The following FAM186A variants were observed in gnomAD, a reference collection of about 807,000 sequenced individuals.
FAM186A encodes family with sequence similarity 186 member A, also known as protein FAM186A.
In FAM186A, 163 loss-of-function variants were observed where a neutral mutation model predicts 216.8. That is an observed-to-expected ratio of 0.75 (90% CI 0.66 to 0.86). FAM186A has a LOEUF of 0.86. Ranked by LOEUF, FAM186A falls within the 40% of genes least tolerant of loss-of-function variation. FAM186A has a pLI of 0.00. For missense variants in FAM186A, 2,184 were observed against 2,746.2 expected, an observed-to-expected ratio of 0.80 and a Z score of 4.58; for synonymous variants, 805 against 1,025.3, an observed-to-expected ratio of 0.79 and a Z score of 4.10.
rs866057281 is a variant in FAM186A at position 50,356,197 on chromosome 12, G to A, written c.635C>T (p.Pro212Leu). 5 of 1,551,204 alleles carry A rather than the reference G, an allele frequency of 3.2e-6. No individual in the cohort carries two copies. In the Middle Eastern group the frequency reaches 5.0e-4, roughly 155 times the overall value. ...TGGTCTTAAAGCACGGGCTGTTGAA[G>A]GTCGTTTTATAACTCTTTCTTTCCA... ...KSWKERVIKRPSTARALRPDQ... is the reference protein window; with the variant it reads ...KSWKERVIKRLSTARALRPDQ... The change falls in exon 4 of 8, where the codon CCT becomes CTT. Residue 212 changes from proline (P) to leucine (L), a missense_variant. Around this residue, in one of 7 missense-constraint regions of FAM186A, gnomAD observed 1,132 missense variants for 1,263.4 expected, o/e 0.90. Coordinates refer to ENST00000327337, the MANE Select transcript of FAM186A (RefSeq NM_001145475.3).
At position 50,373,782 on chromosome 12, in the gene FAM186A, C is replaced by T. The variant is rs924217251; in HGVS notation, c.193-10418G>A. On this transcript the variant is annotated intron_variant, in intron 1 of 7. Coordinates refer to ENST00000327337, the MANE Select transcript of FAM186A (RefSeq NM_001145475.3). The stretch of plus-strand genomic sequence containing the variant: ...TCTAGAACTAGAAATACCATTTGAC[C>T]CAGCCATCCCATTACTGGGTATATA... Among the ~76,000 whole-genome samples, 185 of 152,172 alleles carry T rather than the reference C, an allele frequency of 1.2e-3. 2 individuals carry two copies. The highest frequency in any genetic ancestry group is 6.9e-4 in the Non-Finnish European group (47 of 68,026).
At position 50,360,895 on chromosome 12, in the gene FAM186A, A is replaced by G; in HGVS notation, c.444T>C (p.Asp148=). The G allele has an allele frequency of 1.9e-6, 3 of 1,548,976 alleles. No homozygotes were observed. In the South Asian group the frequency reaches 3.6e-5, roughly 19 times the overall value. Residue 148 remains aspartate, a synonymous_variant, in exon 3 of 8, where the codon GAT becomes GAC. Coordinates refer to ENST00000327337, the MANE Select transcript of FAM186A (RefSeq NM_001145475.3). The stretch of plus-strand genomic sequence containing the variant: ...CTATCCAGTGGTGGTGTTCATCAAC[A>G]TCCATTAGAGTCATCTCAGACAAAA... The part of the protein sequence containing the change: ...NDVLSEMTLM[D]VDEHHHWIAQ...
chr12:50,378,179 G>T (rs528102162), intron 1 of FAM186A, among the ~76,000 whole-genome samples: 77 of 150,132 alleles, frequency 5.1e-4, no homozygotes, highest in Non-Finnish European at 1.0e-3. Flanking sequence ...AGCCGAGATT[G>T]CGACATTACA....
At chr12:50,389,209 T>TA (rs980289915) in intron 1 of FAM186A, among the ~76,000 whole-genome samples, 32 of 150,570 alleles carry the variant, frequency 2.1e-4, no homozygotes, top group Admixed American at 2.1e-3. Flanking sequence ...CTACTAAAAA[T>TA]AAAAAAATAG....
chr12:50,353,026 G>A lies in FAM186A; in HGVS notation c.3806C>T (p.Pro1269Leu). ...GATCCCCAGGGCCTGGGCCTGCTGA[G>A]GAGTAAGAGGGATCCCCAGTTCCTG... is the stretch of plus-strand genomic sequence containing the variant. Reference protein sequence around the residue: ...QVQELGIPLTPQQAQALGITL... With the variant: ...QVQELGIPLTLQQAQALGITL... Residue 1269 changes from proline (P) to leucine (L), a missense_variant, in exon 4 of 8, where the codon CCT becomes CTT. Transcript: ENST00000327337. 6.5e-7 allele frequency: 1 copy of A among 1,537,476 alleles called. No homozygotes were observed.
intron 1 of FAM186A, among the ~76,000 whole-genome samples, chr12:50,385,974 G>C (rs944629561): frequency 6.6e-6 from 1 of 151,984 alleles, no homozygotes; most frequent in Non-Finnish European, 1.5e-5. Flanking sequence ...CTGGGGATGG[G>C]CAGATTGTGG....
rs543682784 is a variant in FAM186A at position 50,378,935 on chromosome 12, T to G, written c.193-15571A>C. 3.9e-5 allele frequency among the ~76,000 whole-genome samples: 6 copies of G among 152,180 alleles called. No homozygotes were observed. The South Asian group carries it at 1.2e-3, about 31-fold the overall frequency. On this transcript the variant is annotated intron_variant, in intron 1 of 7. Transcript: ENST00000327337. ...AGCATTGTTTGTAATTATGAAGTAT[T>G]GGAAATAACTTAAATGTCCATACAT... is the stretch of plus-strand genomic sequence containing the variant.
rs568070750 is a variant in FAM186A, at chr12:50,361,666, G to A, written c.413-740C>T. Among the ~76,000 whole-genome samples, 8 of 147,916 alleles carry A rather than the reference G, an allele frequency of 5.4e-5. No homozygotes were observed. In the South Asian group the frequency reaches 1.7e-3, roughly 32 times the overall value. On this transcript the variant is annotated intron_variant, in intron 2 of 7. Transcript: ENST00000327337. ...GCTCAGTGCAACCTCTACCTCCCAG[G>A]TTCAAGCGATTCTCCTGCCTCAGCC...
rs1442410565 is a variant in FAM186A at position 50,334,091 on chromosome 12, C to T, written c.6516G>A (p.Met2172Ile). 6.5e-7 allele frequency: 1 copy of T among 1,544,212 alleles called. No homozygotes were observed. The highest frequency in any genetic ancestry group is 2.0e-5 in the Admixed American group (1 of 48,852). Residue 2172 changes from methionine (M) to isoleucine (I), a missense_variant, in exon 5 of 8, where the codon ATG becomes ATA. Physicochemically the swap from Met to Ile is conservative, Grantham distance 10. Transcript: ENST00000327337. ...RLIQHARNNI[M>I]KRLKAIQNTG... The stretch of plus-strand genomic sequence containing the variant: ...TATTTTGGATGGCTTTTAGTCGTTT[C>T]ATTATGTTGTTCCTTGAAAAGATTA...
rs1942931011 is a variant in FAM186A, at chr12:50,353,358, A to G, written c.3474T>C (p.Ser1158=). The change falls in exon 4 of 8, where the codon TCT becomes TCC. Residue 1158 remains serine, a synonymous_variant. Transcript: ENST00000327337. ...GTTTCTGAGCCTGCTGAGTGGTGAG[A>G]GAGATCCCCGGGGCCTGGTCCTGCT... ...TPQQDQAPGI[S]LTTQQAQKLG... 4 of 1,535,484 alleles carry G rather than the reference A, an allele frequency of 2.6e-6. No homozygotes were observed. The highest frequency in any genetic ancestry group is 1.4e-5 in the African/African-American group (1 of 70,236).
chr12:50,390,346 C>T (rs756218265), intron 1 of FAM186A, among the ~76,000 whole-genome samples: 2 of 152,140 alleles, frequency 1.3e-5, no homozygotes, highest in Non-Finnish European at 2.9e-5. Flanking sequence ...AGGTCCTGTT[C>T]ACTCAAGGAG....
At chr12:50,378,604 CACATATGTAAATTGTATATATATATATAT>C (rs1943223723) in intron 1 of FAM186A, among the ~76,000 whole-genome samples, 2 of 19,558 alleles carry the variant, frequency 1.0e-4, no homozygotes, top group South Asian at 6.3e-3. Flanking sequence ...TATATATATA[CACATATGTAAATTGTATATATATATATAT>C]ACACATACAT....
At chr12:50,374,118 A>T (rs1172549487) in intron 1 of FAM186A, among the ~76,000 whole-genome samples, 1 of 133,200 alleles carries the variant, frequency 7.5e-6, no homozygotes, top group Non-Finnish European at 1.5e-5. Context: ...ACATGGACAC[A>T]GGAAGGGGAA....
chr12:50,379,451 G>GT (rs1943232586), intron 1 of FAM186A, among the ~76,000 whole-genome samples: 1 of 39,520 alleles, frequency 2.5e-5, no homozygotes, highest in African/African-American at 7.1e-5. Flanking sequence ...AAAAAAAAAA[G>GT]AAAGAAAAAA....
chr12:50,385,763 G>A (rs1430691527), intron 1 of FAM186A, among the ~76,000 whole-genome samples: 4 of 151,642 alleles, frequency 2.6e-5, no homozygotes, highest in African/African-American at 4.8e-5. Flanking sequence ...TTAGCCAGGC[G>A]TGGTGGCAGG....
intron 1 of FAM186A, among the ~76,000 whole-genome samples, chr12:50,379,926 C>T (rs1321747721): frequency 3.3e-5 from 5 of 151,428 alleles, no homozygotes; most frequent in Non-Finnish European, 5.9e-5. Context: ...AGAGGCTAGA[C>T]AGATTGGTTA....
In FAM186A at chr12:50,350,528, C is replaced by T; in HGVS notation, c.6304G>A (p.Glu2102Lys). The T allele has an allele frequency of 6.4e-7, 1 of 1,551,630 alleles. No individual in the cohort carries two copies. The highest frequency in any genetic ancestry group is 8.7e-7 in the Non-Finnish European group (1 of 1,146,980). The change falls in exon 4 of 8, where the codon GAA (glutamate) becomes AAA (lysine). Residue 2102 changes from glutamate (E) to lysine (K), a missense_variant. Glu to Lys is a moderately conservative substitution (Grantham distance 56). Coordinates refer to ENST00000327337, the MANE Select transcript of FAM186A (RefSeq NM_001145475.3). Reference protein sequence around the residue: ...VPPSSPQELEEKRYFVDVEAQ... With the variant: ...VPPSSPQELEKKRYFVDVEAQ... Reference sequence around the variant, plus strand: ...TCCACATCAACAAAATACCTCTTTTCTTCAAGTTCTTGAGGAGAGGAAGGG... The same window carrying T: ...TCCACATCAACAAAATACCTCTTTTTTTCAAGTTCTTGAGGAGAGGAAGGG...
chr12:50,332,131 T>C (rs2087744020), intron 5 of FAM186A, among the ~76,000 whole-genome samples: 1 of 152,184 alleles, frequency 6.6e-6, no homozygotes, highest in African/African-American at 2.4e-5. Flanking sequence ...TAACACAGGG[T>C]TGTGAGAATT....
At chr12:50,363,721 G>A (rs1387955559) in intron 1 of FAM186A, among the ~76,000 whole-genome samples, 1 of 147,876 alleles carries the variant, frequency 6.8e-6, no homozygotes, top group Non-Finnish European at 1.5e-5. Flanking sequence ...GATGTGAAGT[G>A]TATAAAATTT....
Sources: gnomAD v4.1 joint callset for allele counts (sites outside exome capture counted in the v4.1 genomes callset) on GRCh38, gnomAD v4.1.1 for gene constraint, gnomAD v4.1.1 regional missense constraint, MANE v1.5 for transcripts, NCBI Gene and HGNC (gene_info 2026-07-23, HGNC 2026-07-21) for gene names.